CNIH3: variants seen among roughly 807,000 people sequenced by gnomAD.
CNIH3 encodes protein cornichon homolog 3.
CNIH3 carries 14 observed loss-of-function variants against 24.1 expected under a neutral mutation model. The observed-to-expected ratio is 0.58, with a 90% CI of 0.38 to 0.91. The LOEUF is 0.91. Among genes scored for constraint, CNIH3 ranks in the 40% least tolerant of loss-of-function variants. The probability of loss-of-function intolerance (pLI) is 0.00; values close to 1 mark genes in which losing one functional copy is unlikely to be tolerated. For missense variants in CNIH3, 178 were observed against 196.8 expected, an observed-to-expected ratio of 0.90 and a Z score of 0.57; for synonymous variants, 68 against 73.8, an observed-to-expected ratio of 0.92 and a Z score of 0.40.
chr1:224,739,533 C>A lies in CNIH3; in HGVS notation c.*177C>A. On this transcript the variant is annotated 3_prime_UTR_variant, in exon 6 of 6. Coordinates refer to ENST00000272133, the MANE Select transcript of CNIH3 (RefSeq NM_152495.2). ...GCAGCAGCTGGGAGCCGAGTTAACC[C>A]TGCGTGTCTGTGTCACCCTGTTTGT... The A allele has an allele frequency of 8.7e-7, 1 of 1,154,570 alleles. No individual in the cohort carries two copies. Among genetic ancestry groups the A allele is most frequent in the Non-Finnish European group, 1.2e-6 (1 of 821,416 alleles). 71.5% of individuals were successfully genotyped at this position (1,154,570 alleles called of 1,614,324 possible). A position where few individuals can be genotyped will look rare whatever the true frequency, so the allele number is the denominator to read the frequency against.
chr1:224,540,648 C>G (rs978890999), downstream of CNIH3, among the ~76,000 whole-genome samples: 2 of 152,136 alleles, frequency 1.3e-5, no homozygotes, highest in African/African-American at 4.8e-5. Context: ...AAACCCCTAC[C>G]TCCAGCTCAT....
intron 3 of CNIH3, among the ~76,000 whole-genome samples, chr1:224,728,871 G>T (rs1464570350): frequency 1.3e-5 from 2 of 152,214 alleles, no homozygotes; most frequent in African/African-American, 4.8e-5. Context: ...TCTCCTAACT[G>T]CCATGCATTG....
At chr1:224,469,237 T>C (rs1017139223) in intron 1 of CNIH3, among the ~76,000 whole-genome samples, 1 of 152,074 alleles carries the variant, frequency 6.6e-6, no homozygotes, top group Non-Finnish European at 1.5e-5. Flanking sequence ...CATGCCACCA[T>C]GCCCAGCTAA....
intron 3 of CNIH3, among the ~76,000 whole-genome samples, chr1:224,605,947 C>T (rs1209240413): frequency 2.6e-5 from 4 of 152,168 alleles, no homozygotes; most frequent in African/African-American, 7.2e-5. Flanking sequence ...GCCAATGAGA[C>T]AGGATAGTTC....
chr1:224,480,994 T>A (rs1397768135), intron 1 of CNIH3, among the ~76,000 whole-genome samples: 1 of 152,252 alleles, frequency 6.6e-6, no homozygotes, highest in Non-Finnish European at 1.5e-5. Context: ...AAGACATACA[T>A]GAGACTGGGC....
chr1:224,485,400 C>T (rs1397043478), intron 1 of CNIH3, among the ~76,000 whole-genome samples: 1 of 152,200 alleles, frequency 6.6e-6, no homozygotes, highest in Admixed American at 6.5e-5. Flanking sequence ...TGTTTCTAGG[C>T]ATCAGCCTTC....
intron 3 of CNIH3, among the ~76,000 whole-genome samples, chr1:224,550,870 C>T (rs1443699309): frequency 1.5e-5 from 2 of 130,650 alleles, no homozygotes; most frequent in Non-Finnish European, 3.2e-5. Context: ...CACCCCACAA[C>T]AGGCCCCGGT....
At chr1:224,636,323 A>G (rs1039978488) in intron 1 of CNIH3, among the ~76,000 whole-genome samples, 24 of 152,212 alleles carry the variant, frequency 1.6e-4, no homozygotes, top group Non-Finnish European at 3.1e-4. Flanking sequence ...CTGACACCTG[A>G]AGGGACCTAA....
At chr1:224,482,933 G>A (rs1676871699) in intron 1 of CNIH3, among the ~76,000 whole-genome samples, 1 of 152,162 alleles carries the variant, frequency 6.6e-6, no homozygotes, top group African/African-American at 2.4e-5. Flanking sequence ...TGGAGTGGGC[G>A]ATTCCCCTCT....
upstream of CNIH3, chr1:224,513,741 C>T (rs1054723348): frequency 3.3e-5 from 5 of 152,244 alleles, no homozygotes; most frequent in African/African-American, 9.6e-5. Flanking sequence ...TGGGATCTGT[C>T]TTCTTAACAG....
chr1:224,699,107 A>G (rs1308218303), intron 3 of CNIH3, among the ~76,000 whole-genome samples: 1 of 152,084 alleles, frequency 6.6e-6, no homozygotes, highest in Admixed American at 6.6e-5. Context: ...ATACTTCCAC[A>G]TCTTTGAGTT....
At chr1:224,508,911 T>A (rs1678024768) in intron 1 of CNIH3, among the ~76,000 whole-genome samples, 1 of 152,180 alleles carries the variant, frequency 6.6e-6, no homozygotes, top group South Asian at 2.1e-4. Context: ...TCTAAAGTAG[T>A]TTAGGGTTTA....
Position 224,682,554 on chromosome 1 carries a change from A to G in CNIH3, c.150+1528A>G, listed in dbSNP as rs1041525970. Among the ~76,000 whole-genome samples, 13 of 152,256 alleles carry G rather than the reference A, an allele frequency of 8.5e-5. 1 individual carries two copies. Among genetic ancestry groups the G allele is most frequent in the African/African-American group, 2.9e-4 (12 of 41,474 alleles). On this transcript the variant is annotated intron_variant, in intron 2 of 5. Coordinates refer to ENST00000272133, the MANE Select transcript of CNIH3 (RefSeq NM_152495.2). Reference sequence around the variant, plus strand: ...TCCACTTGAAAACTTGCTGTATTTCATGAACTTATAACTATTAAAATCCAT... The same window carrying G: ...TCCACTTGAAAACTTGCTGTATTTCGTGAACTTATAACTATTAAAATCCAT...
intron 1 of CNIH3, among the ~76,000 whole-genome samples, chr1:224,671,612 T>C (rs1442867418): frequency 6.6e-6 from 1 of 152,252 alleles, no homozygotes; most frequent in African/African-American, 2.4e-5. Context: ...TCTTCTTGAT[T>C]CTTCATTTGC....
At chr1:224,577,738 G>T (rs752604597) in intron 4 of CNIH3, among the ~76,000 whole-genome samples, 1 of 152,070 alleles carries the variant, frequency 6.6e-6, no homozygotes, top group Non-Finnish European at 1.5e-5. Flanking sequence ...AGGAAAATAA[G>T]TCATTATATG....
intron 4 of CNIH3, among the ~76,000 whole-genome samples, chr1:224,732,184 G>A (rs946871069): frequency 5.3e-5 from 8 of 152,136 alleles, no homozygotes; most frequent in Non-Finnish European, 1.0e-4. Context: ...CCCAGGTGGT[G>A]GGAGTCAGAA....
At chr1:224,681,163 A>G (rs1686382277) in intron 2 of CNIH3, 137 bp downstream of exon 2, 1 of 721,856 alleles carries the variant, frequency 1.4e-6, no homozygotes, top group East Asian at 2.6e-5. Context: ...ACCTGGCTCA[A>G]GGTTGTGGAG....
rs1682356920 is a variant in CNIH3 at position 224,604,922 on chromosome 1, A to G, written n.402+38658A>G. Reference sequence around the variant, plus strand: ...GTGATGAAAATGGCTTTCAGAGGAGAGGGGACATGGGGTTGGTCCTGCTAC... The same window carrying G: ...GTGATGAAAATGGCTTTCAGAGGAGGGGGGACATGGGGTTGGTCCTGCTAC... On this transcript the variant is annotated intron_variant and non_coding_transcript_variant, in intron 3 of 7. Transcript: ENST00000478120. This position sits in a 1 kb window ranked among gnomAD's most constrained non-coding sequence, Gnocchi z 4.4. Among the ~76,000 whole-genome samples the G allele has an allele frequency of 6.6e-6, 1 of 152,116 alleles. No homozygotes were observed. The highest frequency in any genetic ancestry group is 1.5e-5 in the Non-Finnish European group (1 of 68,016).
chr1:224,670,677 G>C (rs933022105), intron 1 of CNIH3, among the ~76,000 whole-genome samples: 6 of 152,184 alleles, frequency 3.9e-5, no homozygotes, highest in African/African-American at 1.4e-4. Flanking sequence ...TAAGATGAGT[G>C]TGTGCCAAGA....
Sources: gnomAD v4.1 joint callset for allele counts (sites outside exome capture counted in the v4.1 genomes callset) on GRCh38, gnomAD v4.1.1 for gene constraint, Gnocchi (gnomAD v3.1) non-coding constraint, MANE v1.5 for transcripts, NCBI Gene and HGNC (gene_info 2026-07-23, HGNC 2026-07-21) for gene names.